Variants in DCP1A observed in about 807,000 individuals in gnomAD.
The protein encoded by DCP1A is decapping mRNA 1A.
In DCP1A, 20 loss-of-function variants were observed where a neutral mutation model predicts 58.0. The ratio of observed to expected loss-of-function variants is 0.34; its 90% CI spans 0.24 to 0.50. The LOEUF is 0.50. Among genes scored for constraint, DCP1A ranks in the 20% least tolerant of loss-of-function variants. DCP1A has a pLI of 0.98. For synonymous variants in DCP1A, 285 were observed against 275.1 expected (o/e 1.04, Z -0.36); for missense variants, 613 against 712.2 (o/e 0.86, Z 1.59).
chr3:53,329,184 A>T, intron 3 of DCP1A: 1 of 394,462 alleles, frequency 2.5e-6, no homozygotes, highest in Non-Finnish European at 4.5e-6. Flanking sequence ...GCCACCTACC[A>T]TCTCTACTGT....
In DCP1A at chr3:53,285,643, CTCTT is replaced by C. The variant is rs1401875080; in HGVS notation, c.*1933_*1936del. On this transcript the variant is annotated 3_prime_UTR_variant, in exon 10 of 10. Coordinates refer to ENST00000610213, the MANE Select transcript of DCP1A (RefSeq NM_018403.7). ...TCACAGACTCTCTTTAGGATATTCT[CTCTT>C]AACTCTCTCATAATATTACATACTC... 6.6e-6 allele frequency: 1 copy of C among 152,164 alleles called. No homozygotes were observed. Among genetic ancestry groups the C allele is most frequent in the Non-Finnish European group, 1.5e-5 (1 of 68,034 alleles). 9.4% of individuals were successfully genotyped at this position (152,164 alleles called of 1,614,324 possible).
chr3:53,344,768 C>A (rs782462615), intron 2 of DCP1A, 134 bp downstream of exon 2: 7 of 573,710 alleles, frequency 1.2e-5, no homozygotes, highest in Non-Finnish European at 1.8e-5. Flanking sequence ...TAAGATTTCA[C>A]AGCTAGGGAA....
In DCP1A at chr3:53,342,200, T is replaced by A; in HGVS notation, c.248A>T (p.Asn83Ile). 1 of 1,603,896 alleles carries A rather than the reference T, an allele frequency of 6.2e-7. No homozygotes were observed. Among genetic ancestry groups the A allele is most frequent in the Non-Finnish European group, 8.5e-7 (1 of 1,173,810 alleles). ...ATGGAGCTGAAATTCCAAATCTTTA[T>A]TCACTGGTTCAACTAGATTGTGCAT... ...LNMHNLVEPVNKDLEFQLHEP... is the reference protein window; with the variant it reads ...LNMHNLVEPVIKDLEFQLHEP... The change falls in exon 3 of 10, where the codon AAT becomes ATT. Residue 83 changes from asparagine (N) to isoleucine (I), a missense_variant. Asn to Ile is a moderately radical substitution (Grantham distance 149). Transcript: ENST00000610213.
At chr3:53,344,622 T>A (rs914087827) in intron 2 of DCP1A, among the ~76,000 whole-genome samples, 11 of 152,104 alleles carry the variant, frequency 7.2e-5, no homozygotes, top group African/African-American at 2.7e-4. Flanking sequence ...AATATGGGGG[T>A]AGGAAGAGAG....
intron 3 of DCP1A, among the ~76,000 whole-genome samples, chr3:53,333,281 C>A (rs1436615904): frequency 6.6e-6 from 1 of 151,832 alleles, no homozygotes; most frequent in Non-Finnish European, 1.5e-5. Context: ...GCTGGGATTA[C>A]AGGCGCCTGC....
chr3:53,298,755 G>C (rs1258322209), intron 6 of DCP1A, among the ~76,000 whole-genome samples: 1 of 152,208 alleles, frequency 6.6e-6, no homozygotes, highest in Non-Finnish European at 1.5e-5. Context: ...GGTGGCTACA[G>C]ATCAAAATGC....
chr3:53,300,686 C>T (rs1707284992), intron 6 of DCP1A, among the ~76,000 whole-genome samples: 1 of 150,910 alleles, frequency 6.6e-6, no homozygotes, highest in South Asian at 2.1e-4. Flanking sequence ...CTCCCTTGGT[C>T]GCCCAGGCTG....
At chr3:53,327,334 C>T (rs1193985942) in intron 3 of DCP1A, among the ~76,000 whole-genome samples, 1 of 152,206 alleles carries the variant, frequency 6.6e-6, no homozygotes, top group Non-Finnish European at 1.5e-5. Flanking sequence ...GTCTTACCTA[C>T]AATTCTGGCT....
At chr3:53,331,026 T>C (rs1356910528) in intron 3 of DCP1A, among the ~76,000 whole-genome samples, 3 of 152,018 alleles carry the variant, frequency 2.0e-5, no homozygotes, top group Admixed American at 6.6e-5. Context: ...GCCCGGCTAA[T>C]TTTTGTATTT....
At chr3:53,313,212 A>G (rs1305731030) in intron 4 of DCP1A, among the ~76,000 whole-genome samples, 1 of 152,178 alleles carries the variant, frequency 6.6e-6, no homozygotes, top group African/African-American at 2.4e-5. Flanking sequence ...CCTTTTAAAA[A>G]CCACCAACTT....
intron 4 of DCP1A, among the ~76,000 whole-genome samples, chr3:53,314,120 C>A (rs1707730380): frequency 6.6e-6 from 1 of 152,066 alleles, no homozygotes; most frequent in Admixed American, 6.6e-5. Context: ...TCTCAAACTC[C>A]TGGCCTCAAG....
At chr3:53,313,464 C>T (rs141023926) in intron 4 of DCP1A, among the ~76,000 whole-genome samples, 1 of 150,536 alleles carries the variant, frequency 6.6e-6, no homozygotes, top group Admixed American at 6.6e-5. Flanking sequence ...TTTTTAAGAA[C>T]ACCCCCTTCT....
intron 6 of DCP1A, among the ~76,000 whole-genome samples, chr3:53,303,448 G>T (rs982100959): frequency 6.6e-6 from 1 of 151,036 alleles, no homozygotes; most frequent in Non-Finnish European, 1.5e-5. Context: ...TGTATTTTTA[G>T]TAGAGACAGG....
chr3:53,290,605 TAAA>T, intron 8 of DCP1A, 183 bp downstream of exon 8: 1 of 669,498 alleles, frequency 1.5e-6, no homozygotes. Flanking sequence ...CAGCAGAACT[TAAA>T]AATAATGTGT....
chr3:53,327,549 G>T (rs1411885853), intron 3 of DCP1A, among the ~76,000 whole-genome samples: 3 of 152,180 alleles, frequency 2.0e-5, no homozygotes, highest in Non-Finnish European at 4.4e-5. Flanking sequence ...CAGCACTTTG[G>T]GAGGCCAAGG....
Position 53,307,483 on chromosome 3 carries a change from T to C in DCP1A, c.511-3193A>G, listed in dbSNP as rs543919522. ...ACCCGGCCTGCTTTACTCACTACCA[T>C]GGCTTCCCTGGCTCTTGGGGCATTT... On this transcript the variant is annotated intron_variant, in intron 5 of 9. Coordinates refer to ENST00000610213, the MANE Select transcript of DCP1A (RefSeq NM_018403.7). 2.6e-5 allele frequency among the ~76,000 whole-genome samples: 4 copies of C among 152,334 alleles called. No individual in the cohort carries two copies. In the East Asian group the frequency reaches 7.7e-4, roughly 29 times the overall value.
intron 2 of DCP1A, among the ~76,000 whole-genome samples, 200 bp downstream of exon 2, chr3:53,344,687 GCTGGTAATATAAATT>G (rs2089270538): frequency 6.6e-6 from 1 of 152,254 alleles, no homozygotes; most frequent in East Asian, 1.9e-4. Flanking sequence ...GCTTTGCTAG[GCTGGTAATATAAATT>G]CTAGTTCAGT....
chr3:53,342,859 A>G (rs1306414529), intron 2 of DCP1A, among the ~76,000 whole-genome samples: 2 of 152,158 alleles, frequency 1.3e-5, no homozygotes, highest in African/African-American at 4.8e-5. Context: ...TACTTTTTTC[A>G]TACATATATC....
intron 6 of DCP1A, 41 bp from the exon 7 acceptor site, chr3:53,292,868 A>G (rs1553686379): frequency 2.6e-6 from 4 of 1,540,744 alleles, no homozygotes; most frequent in Non-Finnish European, 3.5e-6. Context: ...GAGGTCTGTT[A>G]TAAATCAGCA....
Sources: gnomAD v4.1 joint callset for allele counts (sites outside exome capture counted in the v4.1 genomes callset) on GRCh38, gnomAD v4.1.1 for gene constraint, MANE v1.5 for transcripts, NCBI Gene and HGNC (gene_info 2026-07-23, HGNC 2026-07-21) for gene names.